TBC1D22B: variants seen among roughly 807,000 people sequenced by gnomAD.
The protein encoded by TBC1D22B is chromosome 6 open reading frame 197.
In TBC1D22B, 32 loss-of-function variants were observed where a neutral mutation model predicts 69.1. The observed-to-expected ratio is 0.46, with a 90% confidence interval of 0.35 to 0.62. TBC1D22B has a LOEUF of 0.62. Ranked by LOEUF, TBC1D22B falls within the 20% of genes least tolerant of loss-of-function variation. TBC1D22B has a pLI of 0.00. For missense variants in TBC1D22B, 462 were observed against 630.9 expected (o/e 0.73, Z 2.87); for synonymous variants, 206 against 229.8 (o/e 0.90, Z 0.94).
At chr6:37,286,934 G>C (rs552098809) in intron 6 of TBC1D22B, 73 bp from the exon 7 acceptor site, 11 of 1,369,664 alleles carry the variant, frequency 8.0e-6, no homozygotes, top group Non-Finnish European at 1.1e-5. Context: ...ACAAGAGCGA[G>C]ACTTCATCTC....
intron 8 of TBC1D22B, among the ~76,000 whole-genome samples, chr6:37,293,200 C>A (rs1438130099): frequency 6.6e-6 from 1 of 151,810 alleles, no homozygotes; most frequent in Non-Finnish European, 1.5e-5. Flanking sequence ...GCCTCAGCCT[C>A]CCGAGTAGCT....
intron 8 of TBC1D22B, among the ~76,000 whole-genome samples, chr6:37,311,097 C>G (rs1481024265): frequency 1.3e-5 from 2 of 152,034 alleles, no homozygotes; most frequent in Non-Finnish European, 2.9e-5. Context: ...TAAATTCCAT[C>G]TAAGATAGCT....
At chr6:37,265,532 G>GTT (rs34418459) in intron 1 of TBC1D22B, among the ~76,000 whole-genome samples, 2 of 143,864 alleles carry the variant, frequency 1.4e-5, no homozygotes. Flanking sequence ...AGCCCTTTGG[G>GTT]TTTTTTTTTT....
chr6:37,310,129 T>A (rs965975249), intron 8 of TBC1D22B, among the ~76,000 whole-genome samples: 16 of 146,986 alleles, frequency 1.1e-4, no homozygotes, highest in African/African-American at 3.9e-4. Context: ...AATATAGCTT[T>A]ATATATGTAA....
chr6:37,289,950 G>A (rs571998048), intron 7 of TBC1D22B, among the ~76,000 whole-genome samples: 2 of 152,196 alleles, frequency 1.3e-5, no homozygotes, highest in Non-Finnish European at 2.9e-5. Context: ...TTCCAGGAAA[G>A]GCTTTGTTCT....
At chr6:37,319,067 G>A (rs980391497) in intron 12 of TBC1D22B, among the ~76,000 whole-genome samples, 4 of 152,214 alleles carry the variant, frequency 2.6e-5, no homozygotes, top group Non-Finnish European at 4.4e-5. Context: ...GTGTTAGGGG[G>A]CAAAAGAACA....
chr6:37,289,556 A>G (rs887743448), intron 7 of TBC1D22B, among the ~76,000 whole-genome samples: 3 of 152,194 alleles, frequency 2.0e-5, no homozygotes, highest in African/African-American at 7.2e-5. Flanking sequence ...GCTAGCTTCC[A>G]TGTACTTGGC....
chr6:37,275,763 A>G (rs577525184), intron 2 of TBC1D22B, among the ~76,000 whole-genome samples: 125 of 152,314 alleles, frequency 8.2e-4, no homozygotes, highest in African/African-American at 2.9e-3. Flanking sequence ...GCTAGTGAGT[A>G]GCCAATATTT....
In TBC1D22B at chr6:37,318,286, G is replaced by A. The variant is rs1477350393; in HGVS notation, c.1389+1080G>A. 3.3e-5 allele frequency among the ~76,000 whole-genome samples: 5 copies of A among 152,222 alleles called. No homozygotes were observed. In the South Asian group the frequency reaches 8.3e-4, roughly 25 times the overall value. ...AACAAGATTTCCTGATGAATTGGGTGTAGAGTACAACAGAAAGGGGTGAGT... is the reference window on the plus strand; with the variant it reads ...AACAAGATTTCCTGATGAATTGGGTATAGAGTACAACAGAAAGGGGTGAGT... On this transcript the variant is annotated intron_variant, in intron 12 of 12. Transcript: ENST00000373491.
chr6:37,288,117 A>C (rs1192438939), intron 7 of TBC1D22B, among the ~76,000 whole-genome samples: 1 of 152,140 alleles, frequency 6.6e-6, no homozygotes, highest in Non-Finnish European at 1.5e-5. Flanking sequence ...GCTGAAAATA[A>C]TTTCTATTTG....
At chr6:37,287,380 A>T (rs1767038146) in intron 7 of TBC1D22B, among the ~76,000 whole-genome samples, 1 of 152,166 alleles carries the variant, frequency 6.6e-6, no homozygotes, top group Non-Finnish European at 1.5e-5. Context: ...GTGATTTTTT[A>T]AATTGTGGTA....
chr6:37,324,684 T>C (rs1768342744), intron 12 of TBC1D22B, among the ~76,000 whole-genome samples: 1 of 152,236 alleles, frequency 6.6e-6, no homozygotes, highest in Non-Finnish European at 1.5e-5. Flanking sequence ...CTTCTAGATT[T>C]CCTTCAAACA....
intron 6 of TBC1D22B, among the ~76,000 whole-genome samples, chr6:37,286,608 C>T (rs533140203): frequency 1.4e-5 from 2 of 146,980 alleles, no homozygotes; most frequent in East Asian, 4.1e-4. Flanking sequence ...AGCCACCGCA[C>T]CCAGCCAGAT....
chr6:37,258,892 C>T (rs182670133), intron 1 of TBC1D22B, among the ~76,000 whole-genome samples: 9 of 151,918 alleles, frequency 5.9e-5, no homozygotes, highest in African/African-American at 2.2e-4. Flanking sequence ...TGGTTGTGTC[C>T]CCTGTGCTAC....
At chr6:37,298,402 A>G (rs1767454446) in intron 8 of TBC1D22B, among the ~76,000 whole-genome samples, 1 of 152,188 alleles carries the variant, frequency 6.6e-6, no homozygotes, top group Non-Finnish European at 1.5e-5. Flanking sequence ...TGTTCATTTA[A>G]AAATATCATA....
intron 9 of TBC1D22B, among the ~76,000 whole-genome samples, chr6:37,313,572 G>T (rs1341973236): frequency 1.3e-5 from 2 of 151,982 alleles, no homozygotes; most frequent in African/African-American, 4.8e-5. Flanking sequence ...CTTCGTCTTT[G>T]GAGTAGACTG....
intron 8 of TBC1D22B, among the ~76,000 whole-genome samples, chr6:37,298,755 C>G (rs980012413): frequency 2.0e-5 from 3 of 152,000 alleles, no homozygotes; most frequent in African/African-American, 4.8e-5. Context: ...CCATGTTAGC[C>G]AGGATGGTCT....
Position 37,331,229 on chromosome 6 carries a change from T to C in TBC1D22B, c.*57T>C, listed in dbSNP as rs1035622238. On this transcript the variant is annotated 3_prime_UTR_variant, in exon 13 of 13. Coordinates refer to ENST00000373491, the MANE Select transcript of TBC1D22B (RefSeq NM_017772.4). The stretch of plus-strand genomic sequence containing the variant: ...TCATCTCTGATGGCAGTCTGATCAC[T>C]GTGGCCACTGTGCGAGCCGTGGACC... 1.3e-6 allele frequency: 2 copies of C among 1,582,880 alleles called. No individual in the cohort carries two copies. The highest frequency in any genetic ancestry group is 1.7e-6 in the Non-Finnish European group (2 of 1,154,484).
intron 8 of TBC1D22B, among the ~76,000 whole-genome samples, chr6:37,308,516 G>A (rs1403189901): frequency 6.6e-6 from 1 of 152,096 alleles, no homozygotes; most frequent in East Asian, 1.9e-4. Flanking sequence ...TATCTCACTG[G>A]CTGTGAAAAC....
Sources: gnomAD v4.1 joint callset for allele counts (sites outside exome capture counted in the v4.1 genomes callset) on GRCh38, gnomAD v4.1.1 for gene constraint, MANE v1.5 for transcripts, NCBI Gene and HGNC (gene_info 2026-07-23, HGNC 2026-07-21) for gene names.